The following SPTLC1 variants were observed in gnomAD, a reference collection of about 807,000 sequenced individuals.
SPTLC1 encodes the protein serine palmitoyltransferase 1.
In SPTLC1, 55 loss-of-function variants were observed where a neutral mutation model predicts 68.9. The ratio of observed to expected loss-of-function variants is 0.80; its 90% CI spans 0.64 to 1.00. The LOEUF (loss-of-function observed/expected upper bound fraction) is 1.00. Ranked by LOEUF, SPTLC1 falls within the 50% of genes least tolerant of loss-of-function variation. The pLI is 0.00. For missense variants in SPTLC1, 449 were observed against 573.1 expected, an observed-to-expected ratio of 0.78 and a Z score of 2.21; for synonymous variants, 197 against 201.6, an observed-to-expected ratio of 0.98 and a Z score of 0.19.
intron 3 of SPTLC1, among the ~76,000 whole-genome samples, chr9:92,097,479 C>G (rs916908513): frequency 2.0e-5 from 3 of 152,124 alleles, no homozygotes; most frequent in Non-Finnish European, 4.4e-5. Flanking sequence ...TATCCATACA[C>G]TGAAATATTA....
At chr9:92,064,030 G>C (rs1412466762) in intron 6 of SPTLC1, among the ~76,000 whole-genome samples, 1 of 152,120 alleles carries the variant, frequency 6.6e-6, no homozygotes, top group Admixed American at 6.6e-5. Context: ...GGAATAAAAA[G>C]TAAGTAGATT....
At chr9:92,049,353 G>C (rs771369213) in intron 9 of SPTLC1, among the ~76,000 whole-genome samples, 1 of 152,082 alleles carries the variant, frequency 6.6e-6, no homozygotes, top group East Asian at 1.9e-4. Context: ...CTGCCCTGAG[G>C]CTCCAGGAGC....
At chr9:92,085,977 A>G (rs572294449) in intron 3 of SPTLC1, among the ~76,000 whole-genome samples, 2,653 of 151,864 alleles carry the variant, frequency 0.017, 65 homozygotes, top group African/African-American at 0.06. Flanking sequence ...TGTTGAATTG[A>G]TCCCTTTACC....
At chr9:92,073,216 C>T (rs780345479) in intron 5 of SPTLC1, among the ~76,000 whole-genome samples, 1 of 152,180 alleles carries the variant, frequency 6.6e-6, no homozygotes, top group Admixed American at 6.5e-5. Flanking sequence ...GGCTCTTTTC[C>T]GTCAGACCCT....
intron 3 of SPTLC1, among the ~76,000 whole-genome samples, chr9:92,087,574 G>A (rs912486363): frequency 3.2e-4 from 49 of 152,292 alleles, no homozygotes; most frequent in African/African-American, 1.2e-3. Flanking sequence ...CGTGAACCGG[G>A]AATGCTGCTG....
intron 1 of SPTLC1, among the ~76,000 whole-genome samples, chr9:92,114,721 G>A (rs1343569335): frequency 6.7e-6 from 1 of 150,210 alleles, no homozygotes; most frequent in African/African-American, 2.5e-5. Context: ...AGCAACAAGT[G>A]CGAAACACCG....
At chr9:92,036,721 A>G (rs1276318216) in intron 13 of SPTLC1, among the ~76,000 whole-genome samples, 4 of 152,100 alleles carry the variant, frequency 2.6e-5, no homozygotes, top group Non-Finnish European at 5.9e-5. Context: ...TGGCTTGTCC[A>G]TTTAGTTTGT....
chr9:92,105,541 G>A (rs1835929480), intron 3 of SPTLC1: 5 of 594,740 alleles, frequency 8.4e-6, no homozygotes, highest in Non-Finnish European at 1.5e-5. Flanking sequence ...TCTGGGAAGT[G>A]AGGAGCGCCT....
chr9:92,081,850 G>A (rs558283988), intron 3 of SPTLC1, among the ~76,000 whole-genome samples: 27 of 152,328 alleles, frequency 1.8e-4, no homozygotes, highest in Admixed American at 1.4e-3. Context: ...CAGAAAAAAT[G>A]GAGAAACACT....
At chr9:92,045,524 TAAAAAAAAAAAAAAAA>T (rs71362367) in intron 12 of SPTLC1, among the ~76,000 whole-genome samples, 7 of 31,624 alleles carry the variant, frequency 2.2e-4, no homozygotes, top group African/African-American at 7.8e-4. Flanking sequence ...TCTTGTGTAG[TAAAAAAAAAAAAAAAA>T]AAAAAAAAAA....
At chr9:92,087,557 G>A (rs973914528) in intron 3 of SPTLC1, among the ~76,000 whole-genome samples, 22 of 152,300 alleles carry the variant, frequency 1.4e-4, no homozygotes, top group Admixed American at 2.6e-4. Flanking sequence ...GCAGAACAGC[G>A]GATTTTCGTG....
chr9:92,043,690 A>C (rs931419150), intron 12 of SPTLC1, among the ~76,000 whole-genome samples: 1 of 152,200 alleles, frequency 6.6e-6, no homozygotes, highest in African/African-American at 2.4e-5. Context: ...ATGGCTCCCA[A>C]CATGGTCAGA....
chr9:92,105,856 G>A (rs1238239207), intron 3 of SPTLC1, among the ~76,000 whole-genome samples: 3 of 150,648 alleles, frequency 2.0e-5, no homozygotes, highest in Admixed American at 2.0e-4. Flanking sequence ...CACCGTCTGG[G>A]AAATGAGGAG....
intron 2 of SPTLC1, chr9:92,109,148 G>C (rs1399840957): frequency 3.6e-6 from 1 of 276,682 alleles, no homozygotes; most frequent in African/African-American, 2.2e-5. Flanking sequence ...TTTAACTTTA[G>C]GCCTACTAAC....
intron 5 of SPTLC1, among the ~76,000 whole-genome samples, chr9:92,073,804 A>C (rs953054475): frequency 6.6e-6 from 1 of 152,156 alleles, no homozygotes; most frequent in Admixed American, 6.5e-5. Flanking sequence ...GCTTGCCTCC[A>C]CCTTAAAACA....
chr9:92,069,485 T>C (rs1288486760), intron 5 of SPTLC1, among the ~76,000 whole-genome samples: 1 of 152,210 alleles, frequency 6.6e-6, no homozygotes, highest in Non-Finnish European at 1.5e-5. Flanking sequence ...CAGGTGATCT[T>C]CGAGTATAAG....
chr9:92,048,429 C>G (rs1216406438), intron 9 of SPTLC1, among the ~76,000 whole-genome samples: 1 of 152,160 alleles, frequency 6.6e-6, no homozygotes, highest in East Asian at 1.9e-4. Context: ...TTCATAGATC[C>G]AGCAGAGTTT....
Position 92,031,256 on chromosome 9 carries a change from C to T in SPTLC1, c.*1209G>A, listed in dbSNP as rs760602744. 1.3e-5 allele frequency: 2 copies of T among 152,490 alleles called. No individual in the cohort carries two copies. Among genetic ancestry groups the T allele is most frequent in the Non-Finnish European group, 2.9e-5 (2 of 67,996 alleles). 9.4% of individuals were successfully genotyped at this position (152,490 alleles called of 1,614,324 possible). ...GCAGCAATCACAAGGCACATATGTA[C>T]AAAATACCTCAAGCAAAATAGAAAC... On this transcript the variant is annotated 3_prime_UTR_variant, in exon 15 of 15. Transcript: ENST00000262554.
At chr9:92,102,949 T>C (rs1835811427) in intron 3 of SPTLC1, among the ~76,000 whole-genome samples, 1 of 152,186 alleles carries the variant, frequency 6.6e-6, no homozygotes, top group Non-Finnish European at 1.5e-5. Context: ...CCTAGAGTTA[T>C]ATTTAGGGCA....
Sources: allele counts gnomAD v4.1 joint callset (sites outside exome capture counted in the v4.1 genomes callset), GRCh38; gene constraint gnomAD v4.1.1; transcripts MANE v1.5; gene names NCBI Gene and HGNC (gene_info 2026-07-23, HGNC 2026-07-21).